The following OR10S1 variants were observed in gnomAD, a reference collection of about 807,000 sequenced individuals.
The protein encoded by OR10S1 is olfactory receptor 10S1.
For missense variants in OR10S1, 415 were observed against 407.9 expected (o/e 1.02, Z -0.15); for synonymous variants, 167 against 164.1 (o/e 1.02, Z -0.13).
exon 1 of OR10S1, chr11:123,977,219 A>G (rs746958862): frequency 1.2e-5 from 20 of 1,614,078 alleles, no homozygotes; most frequent in Non-Finnish European, 1.4e-5. Context: ...GATTCCAGCC[A>G]TTTCTGCACA....
At chr11:123,977,142 C>A in exon 1 of OR10S1, 1 of 1,614,208 alleles carries the variant, frequency 6.2e-7, no homozygotes, top group Non-Finnish European at 8.5e-7. Context: ...TGGCAAGGCC[C>A]ACAGTAGAGC....
chr11:123,976,971 G>T (rs138203379), exon 1 of OR10S1: 2 of 1,613,964 alleles, frequency 1.2e-6, no homozygotes, highest in Non-Finnish European at 1.7e-6. Flanking sequence ...GTGCGGATGC[G>T]CAACACAGCT....
rs370872807 is a variant in OR10S1 at position 123,976,987 on chromosome 11, G to A, written c.678C>T (p.Ile226=). ...TGCGGATGCGCAACACAGCTGCCAC[G>A]ATGAAGATGTAGGAAATAACGATGA... The change falls in exon 1 of 1, where the codon ATC becomes ATT. Residue 226 remains isoleucine (I), a synonymous_variant. Transcript: ENST00000641123. 2.2e-5 allele frequency: 35 copies of A among 1,613,940 alleles called. No homozygotes were observed. In the South Asian group the frequency reaches 3.2e-4, roughly 15 times the overall value.
exon 1 of OR10S1, chr11:123,977,084 C>T (rs1863726961): frequency 6.2e-7 from 1 of 1,614,232 alleles, no homozygotes; most frequent in Non-Finnish European, 8.5e-7. Flanking sequence ...GGTGTCTGTA[C>T]AGGCGAGCTT....
At chr11:123,976,858 G>A (rs1354691897) in exon 1 of OR10S1, 1 of 1,614,176 alleles carries the variant, frequency 6.2e-7, no homozygotes, top group Non-Finnish European at 8.5e-7. Context: ...CTGCCTCACT[G>A]GAGCGAGGCT....
exon 1 of OR10S1, chr11:123,977,657 A>C: frequency 6.2e-7 from 1 of 1,602,460 alleles, no homozygotes; most frequent in South Asian, 1.1e-5. Context: ...CTCCGTTGTC[A>C]TGGTCATCTT....
At chr11:123,977,398 C>T (rs770960376) in exon 1 of OR10S1, 1 of 1,614,064 alleles carries the variant, frequency 6.2e-7, no homozygotes, top group East Asian at 2.2e-5. Flanking sequence ...CCAGAGTCAG[C>T]AGGCCTGCCA....
exon 1 of OR10S1, chr11:123,977,551 G>A: frequency 1.9e-6 from 3 of 1,614,000 alleles, no homozygotes; most frequent in Non-Finnish European, 2.5e-6. Context: ...TGATGCTGTA[G>A]ATGAGGAGGA....
At chr11:123,977,111 T>A in exon 1 of OR10S1, 1 of 1,614,224 alleles carries the variant, frequency 6.2e-7, no homozygotes, top group Non-Finnish European at 8.5e-7. Context: ...AGGGGGTATG[T>A]CGCAGAAGAA....
exon 1 of OR10S1, chr11:123,977,156 C>A (rs141270826): frequency 1.2e-5 from 20 of 1,614,136 alleles, no homozygotes; most frequent in Non-Finnish European, 1.7e-5. Flanking sequence ...GTAGAGCAGG[C>A]GGAAGGTGAG....
At chr11:123,976,943 C>A in exon 1 of OR10S1, 1 of 1,613,906 alleles carries the variant, frequency 6.2e-7, no homozygotes, top group Non-Finnish European at 8.5e-7. Flanking sequence ...GGAGAAGGCC[C>A]GCTGCCGGCC....
At chr11:123,977,327 G>A (rs368590825) in exon 1 of OR10S1, 2 of 1,614,162 alleles carry the variant, frequency 1.2e-6, no homozygotes, top group South Asian at 1.1e-5. Context: ...CTCAGTGCTG[G>A]CCAGAAAGTG....
chr11:123,977,638 G>A (rs201821946), exon 1 of OR10S1: 5 of 1,605,066 alleles, frequency 3.1e-6, no homozygotes, highest in East Asian at 2.2e-5. Context: ...CCACAGTCTG[G>A]TTGGGGTTCT....
chr11:123,977,778 G>C, exon 1 of OR10S1: 1 of 1,203,738 alleles, frequency 8.3e-7, no homozygotes, highest in Non-Finnish European at 1.2e-6. Context: ...ACACCACCTT[G>C]GTCTTACCCA....
chr11:123,977,766 C>T (rs1161495784), exon 1 of OR10S1: 3 of 1,341,404 alleles, frequency 2.2e-6, no homozygotes, highest in African/African-American at 1.4e-5. Flanking sequence ...ATCCATCAAG[C>T]CACACCACCT....
chr11:123,976,767 C>A (rs150206468), exon 1 of OR10S1: 499 of 1,614,178 alleles, frequency 3.1e-4, no homozygotes, highest in South Asian at 3.3e-4. Flanking sequence ...GCATGCTTCA[C>A]CTCCTTGTTC....
At chr11:123,976,822 G>A (rs200095490) in exon 1 of OR10S1, 1 of 1,614,230 alleles carries the variant, frequency 6.2e-7, no homozygotes, top group Non-Finnish European at 8.5e-7. Context: ...TTACGATTGT[G>A]TAGAAGACAG....
exon 1 of OR10S1, chr11:123,977,279 A>C: frequency 6.2e-7 from 1 of 1,614,192 alleles, no homozygotes; most frequent in South Asian, 1.1e-5. Flanking sequence ...ACAGATAGCC[A>C]GATAGCGGTC....
chr11:123,977,757 T>C (rs1591454658), exon 1 of OR10S1: 1 of 1,431,530 alleles, frequency 7.0e-7, no homozygotes, highest in Non-Finnish European at 9.6e-7. Flanking sequence ...GATGTCATTA[T>C]CCATCAAGCC....
Sources: gnomAD v4.1 joint callset for allele counts on GRCh38, gnomAD v4.1.1 for gene constraint, MANE v1.5 for transcripts, NCBI Gene and HGNC (gene_info 2026-07-23, HGNC 2026-07-21) for gene names.